The following BPTF variants were observed in gnomAD, a reference collection of about 807,000 sequenced individuals.
BPTF encodes bromodomain PHD finger transcription factor.
In BPTF, 18 loss-of-function variants were observed where a neutral mutation model predicts 292.5. The ratio of observed to expected loss-of-function variants is 0.06; its 90% confidence interval spans 0.04 to 0.09. The LOEUF (loss-of-function observed/expected upper bound fraction) is 0.09, where lower values mean the gene tolerates loss of function less well. Among genes scored for constraint, BPTF ranks in the 10% least tolerant of loss-of-function variants. The pLI, the probability that BPTF is intolerant of heterozygous loss-of-function variation, is 1.00. For missense variants in BPTF, 2,726 were observed against 3,498.7 expected, an observed-to-expected ratio of 0.78 and a Z score of 5.57; for synonymous variants, 1,225 against 1,251.9, an observed-to-expected ratio of 0.98 and a Z score of 0.45.
chr17:67,924,237 G>A (rs2063682784), intron 14 of BPTF, among the ~76,000 whole-genome samples: 1 of 152,196 alleles, frequency 6.6e-6, no homozygotes, highest in South Asian at 2.1e-4. Context: ...TTACAGGCAT[G>A]AGCCACCGCA....
At chr17:67,975,621 T>G in intron 26 of BPTF, 151 bp from the exon 27 acceptor site, 3 of 574,798 alleles carry the variant, frequency 5.2e-6, no homozygotes, top group Non-Finnish European at 8.7e-6. Context: ...TCTTTTGTTC[T>G]TTATGAATTG....
Position 67,893,477 on chromosome 17 carries a change from G to A in BPTF, c.2163G>A (p.Lys721=), listed in dbSNP as rs770278826. The change falls in exon 6 of 28, where the codon AAG becomes AAA. Residue 721 remains lysine, a synonymous_variant. Coordinates refer to ENST00000306378, the MANE Select transcript of BPTF (RefSeq NM_182641.4). ...NNYFKLGQEG[K]YRVYHNQYST... is the part of the protein sequence containing the mutation. ...ATTTTAAATTGGGTCAAGAAGGGAA[G>A]TATCGCGTCTACCACAATCAATACT... The A allele has an allele frequency of 8.1e-6, 13 of 1,614,142 alleles. No individual in the cohort carries two copies. The highest frequency in any genetic ancestry group is 1.3e-5 in the African/African-American group (1 of 75,036).
At chr17:67,907,225 T>A (rs2146763582) in intron 9 of BPTF, among the ~76,000 whole-genome samples, 1 of 147,396 alleles carries the variant, frequency 6.8e-6, no homozygotes. Flanking sequence ...AGAATATTCA[T>A]CTAGACAGTA....
chr17:67,939,573 A>G (rs2065198528), intron 18 of BPTF, among the ~76,000 whole-genome samples: 1 of 152,200 alleles, frequency 6.6e-6, no homozygotes, highest in Non-Finnish European at 1.5e-5. Context: ...TTTATTGAAC[A>G]ATTACTATGA....
At chr17:67,974,066 C>T (rs2069107510) in intron 26 of BPTF, 1 of 152,084 alleles carries the variant, frequency 6.6e-6, no homozygotes, top group Non-Finnish European at 1.5e-5. Flanking sequence ...GTTGAACTTC[C>T]AAATCACTTT....
chr17:67,966,921 G>A (rs2068163427), intron 26 of BPTF, among the ~76,000 whole-genome samples: 1 of 151,744 alleles, frequency 6.6e-6, no homozygotes, highest in Non-Finnish European at 1.5e-5. Flanking sequence ...CCAACATGGT[G>A]AAACCCCATC....
chr17:67,828,581 T>A (rs1432314745), intron 1 of BPTF, among the ~76,000 whole-genome samples: 1 of 152,182 alleles, frequency 6.6e-6, no homozygotes, highest in Non-Finnish European at 1.5e-5. Flanking sequence ...CAGGCTGGAG[T>A]GCAATGGCAC....
At position 67,825,932 on chromosome 17, in the gene BPTF, G is replaced by A. The variant is rs189405336; in HGVS notation, c.208G>A (p.Gly70Ser). Residue 70 changes from glycine (G) to serine (S), a missense_variant, in exon 1 of 28, where the codon GGC becomes AGC. Transcript: ENST00000306378. The part of the protein sequence containing the change: ...PKTRLSSPRG[G>S]SSSRRKPPPP... ...GACGCGGCTGAGCTCGCCCAGGGGG[G>A]GCAGCAGTAGCCGGAGGAAGCCGCC... 4.9e-6 allele frequency: 5 copies of A among 1,015,484 alleles called. No individual in the cohort carries two copies. Among genetic ancestry groups the A allele is most frequent in the Admixed American group, 5.9e-5 (1 of 17,046 alleles). 62.9% of individuals were successfully genotyped at this position (1,015,484 alleles called of 1,614,324 possible).
At chr17:67,880,463 T>C (rs1260043717) in intron 4 of BPTF, among the ~76,000 whole-genome samples, 1 of 152,194 alleles carries the variant, frequency 6.6e-6, no homozygotes, top group South Asian at 2.1e-4. Flanking sequence ...TCCCACAAAC[T>C]TATTTTATTT....
chr17:67,845,847 CAG>C (rs1375992746), intron 1 of BPTF, among the ~76,000 whole-genome samples: 20 of 150,448 alleles, frequency 1.3e-4, no homozygotes, highest in Admixed American at 2.7e-4. Flanking sequence ...AAAAGAAAAA[CAG>C]GGGATCTTTA....
Position 67,910,855 on chromosome 17 carries a change from TATA to T in BPTF, c.2993-20_2993-18del. On this transcript the variant is annotated intron_variant, in intron 10 of 27. Coordinates refer to ENST00000306378, the MANE Select transcript of BPTF (RefSeq NM_182641.4). ...CCTTTCAGAGTAAAAATTACATTTA[TATA>T]AATGTCTTTGTTTCACAGATGTGAA... 1.3e-6 allele frequency: 2 copies of T among 1,511,292 alleles called. No individual in the cohort carries two copies. Among genetic ancestry groups the T allele is most frequent in the African/African-American group, 2.8e-5 (2 of 71,020 alleles). 93.6% of individuals were successfully genotyped at this position (1,511,292 alleles called of 1,614,324 possible). A position where few individuals can be genotyped will look rare whatever the true frequency, so the allele number is the denominator to read the frequency against.
intron 3 of BPTF, among the ~76,000 whole-genome samples, chr17:67,871,441 CAAAAAAAA>C (rs751011017): frequency 3.1e-4 from 25 of 80,146 alleles, no homozygotes; most frequent in African/African-American, 9.5e-4. Flanking sequence ...ACTTTGTCTC[CAAAAAAAA>C]AAAAAAAAAA....
intron 2 of BPTF, among the ~76,000 whole-genome samples, chr17:67,862,935 A>G (rs1567926243): frequency 6.6e-6 from 1 of 151,958 alleles, no homozygotes; most frequent in Non-Finnish European, 1.5e-5. Flanking sequence ...TTTTCTATCA[A>G]GCACCTAACA....
intron 5 of BPTF, among the ~76,000 whole-genome samples, chr17:67,892,361 G>A (rs1403731737): frequency 1.3e-5 from 2 of 152,116 alleles, no homozygotes; most frequent in African/African-American, 2.4e-5. Context: ...TGGGTTTTAT[G>A]GTTTATTAAA....
chr17:67,900,887 T>C (rs2061787524), intron 7 of BPTF, among the ~76,000 whole-genome samples: 1 of 151,444 alleles, frequency 6.6e-6, no homozygotes, highest in Non-Finnish European at 1.5e-5. Flanking sequence ...TGCTTGCCTG[T>C]AATGCCAGCT....
At chr17:67,877,628 T>A (rs1037649636) in intron 4 of BPTF, among the ~76,000 whole-genome samples, 1 of 125,306 alleles carries the variant, frequency 8.0e-6, no homozygotes, top group Non-Finnish European at 1.9e-5. Context: ...TTTGGTAAAG[T>A]TTTTTTTTGA....
chr17:67,973,551 AGTGGT>A (rs2069041563), intron 26 of BPTF, among the ~76,000 whole-genome samples: 1 of 151,530 alleles, frequency 6.6e-6, no homozygotes, highest in Admixed American at 6.6e-5. Context: ...TTGCACAAGC[AGTGGT>A]GAGTGCAGTG....
intron 14 of BPTF, among the ~76,000 whole-genome samples, chr17:67,924,306 G>A (rs1394679053): frequency 6.6e-6 from 1 of 151,906 alleles, no homozygotes; most frequent in East Asian, 1.9e-4. Context: ...GTAGAGACAG[G>A]GTTTCACCAT....
At chr17:67,949,650 TATAC>T (rs1314082168) in intron 23 of BPTF, among the ~76,000 whole-genome samples, 95 of 115,640 alleles carry the variant, frequency 8.2e-4, no homozygotes, top group Admixed American at 1.3e-3. Context: ...CATATATATA[TATAC>T]ACACAGACAT....
Sources: gnomAD v4.1 joint callset for allele counts (sites outside exome capture counted in the v4.1 genomes callset) on GRCh38, gnomAD v4.1.1 for gene constraint, MANE v1.5 for transcripts, NCBI Gene and HGNC (gene_info 2026-07-23, HGNC 2026-07-21) for gene names.